MAN2B2: variants seen among roughly 807,000 people sequenced by gnomAD.
MAN2B2 encodes the protein epididymis-specific alpha-mannosidase.
In MAN2B2, 106 loss-of-function variants were observed where a neutral mutation model predicts 117.1. The ratio of observed to expected loss-of-function variants is 0.90; its 90% CI spans 0.77 to 1.06. MAN2B2 has a LOEUF of 1.06. MAN2B2 is among the 50% of genes least tolerant of loss of function. MAN2B2 has a pLI of 0.00. For missense variants in MAN2B2, 1,326 were observed against 1,381.4 expected (o/e 0.96, Z 0.64); for synonymous variants, 544 against 595.1 (o/e 0.91, Z 1.25).
intron 3 of MAN2B2, 53 bp downstream of exon 3, chr4:6,578,551 G>A (rs1726158750): frequency 1.3e-6 from 2 of 1,489,562 alleles, no homozygotes; most frequent in Admixed American, 1.8e-5. Flanking sequence ...CAGTGGGGCT[G>A]GGACATGGTA....
chr4:6,618,875 C>G (rs3733603), intron 17 of MAN2B2: 106,842 of 152,170 alleles, frequency 0.7, 42,767 homozygotes, highest in East Asian at 0.9. Flanking sequence ...ATCCTCGCCA[C>G]GGAGGATCCT....
In MAN2B2 at chr4:6,593,184, A is replaced by C. The variant is rs1272408850; in HGVS notation, c.692A>C (p.Tyr231Ser). The C allele has an allele frequency of 6.2e-7, 1 of 1,613,682 alleles. No individual in the cohort carries two copies. The highest frequency in any genetic ancestry group is 8.5e-7 in the Non-Finnish European group (1 of 1,179,798). The part of the protein sequence containing the change: ...HIPFSNRSGF[Y>S]WNGVAVFPKP... ...CTGCCCTCGCACAGGTCAGGATTTT[A>C]CTGGAATGGCGTGGCTGTCTTCCCC... Residue 231 changes from tyrosine to serine, a missense_variant, in exon 6 of 19, where the codon TAC becomes TCC. Tyr to Ser is a moderately radical substitution (Grantham distance 144). Transcript: ENST00000285599.
chr4:6,579,069 T>TCATCACCAC (rs1726205404), intron 3 of MAN2B2, among the ~76,000 whole-genome samples: 1 of 42,328 alleles, frequency 2.4e-5, no homozygotes, highest in Non-Finnish European at 4.6e-5. Context: ...ACCATCACCA[T>TCATCACCAC]CACCACCACC....
chr4:6,597,115 C>G lies in MAN2B2; in HGVS notation c.1060C>G (p.Pro354Ala), dbSNP rs369552108. 3 of 1,613,064 alleles carry G rather than the reference C, an allele frequency of 1.9e-6. No homozygotes were observed. Among genetic ancestry groups the G allele is most frequent in the Non-Finnish European group, 2.5e-6 (3 of 1,179,680 alleles). ...CACCATCTTCCCTTGTCTCCCAGAA[C>G]CATTCCAGGCCTGGACGGGCTTCTA... is the stretch of plus-strand genomic sequence containing the variant. The part of the protein sequence containing the change: ...HHDFLPYSTE[P>A]FQAWTGFYTS... The change falls in exon 8 of 19, where the codon CCA (proline) becomes GCA (alanine). Residue 354 changes from proline (P) to alanine (A), a missense_variant and splice_region_variant. By Grantham distance (27) the Pro-to-Ala change is conservative. Transcript: ENST00000285599.
chr4:6,593,083 C>G (rs918250676), intron 5 of MAN2B2, 90 bp from the exon 6 acceptor site: 2 of 1,285,952 alleles, frequency 1.6e-6, no homozygotes, highest in Admixed American at 2.2e-5. Context: ...GTGCCAAGGT[C>G]CCAAGGCTGG....
At chr4:6,575,411 G>T in intron 1 of MAN2B2, 63 bp downstream of exon 1, 2 of 1,321,762 alleles carry the variant, frequency 1.5e-6, no homozygotes, top group Non-Finnish European at 2.0e-6. Flanking sequence ...CGCGGGATCT[G>T]AGTGTGGGTT....
At chr4:6,610,801 C>A in intron 13 of MAN2B2, 79 bp from the exon 14 acceptor site, 1 of 1,222,548 alleles carries the variant, frequency 8.2e-7, no homozygotes, top group Non-Finnish European at 1.2e-6. Context: ...GGAGCACCAG[C>A]TGGGGTGGCC....
At chr4:6,579,307 CCACCACCACCAT>C (rs1726302351) in intron 3 of MAN2B2, among the ~76,000 whole-genome samples, 1 of 66,754 alleles carries the variant, frequency 1.5e-5, no homozygotes, top group African/African-American at 5.2e-5. Flanking sequence ...ACCATCACCA[CCACCACCACCAT>C]CACCACCACC....
Position 6,605,107 on chromosome 4 carries a change from C to T in MAN2B2, c.1592C>T (p.Thr531Ile). ...GCGTATGACCTGCTTATTCTGACCA[C>T]AATCCCAGGCCTCAGTTACCGGCAC... is the stretch of plus-strand genomic sequence containing the variant. ...PSAYDLLILT[T>I]IPGLSYRHYN... The change falls in exon 11 of 19, where the codon ACA (threonine) becomes ATA (isoleucine). Residue 531 changes from threonine to isoleucine, a missense_variant. By Grantham distance (89) the Thr-to-Ile change is moderately conservative (BLOSUM62 -1). Coordinates refer to ENST00000285599, the MANE Select transcript of MAN2B2 (RefSeq NM_015274.3). 1.2e-6 allele frequency: 2 copies of T among 1,614,106 alleles called. No individual in the cohort carries two copies. The highest frequency in any genetic ancestry group is 1.7e-6 in the Non-Finnish European group (2 of 1,179,940).
At position 6,605,091 on chromosome 4, in the gene MAN2B2, C is replaced by T. The variant is rs776252259; in HGVS notation, c.1576C>T (p.Leu526=). The T allele has an allele frequency of 1.2e-6, 2 of 1,614,068 alleles. No homozygotes were observed. Among genetic ancestry groups the T allele is most frequent in the Admixed American group, 1.7e-5 (1 of 60,020 alleles). ...AACAGAGACCCCATCTGCGTATGAC[C>T]TGCTTATTCTGACCACAATCCCAGG... ...NSTETPSAYD[L]LILTTIPGLS... Residue 526 remains leucine, a synonymous_variant, in exon 11 of 19, where the codon CTG becomes TTG. Coordinates refer to ENST00000285599, the MANE Select transcript of MAN2B2 (RefSeq NM_015274.3).
intron 3 of MAN2B2, among the ~76,000 whole-genome samples, chr4:6,579,159 TCAC>T (rs1246929628): frequency 0.013 from 239 of 18,060 alleles, 24 homozygotes; most frequent in African/African-American, 0.018. Context: ...ACCATCACCA[TCAC>T]CACCACCACC....
chr4:6,600,954 A>T (rs533584717), intron 10 of MAN2B2, among the ~76,000 whole-genome samples, 198 bp downstream of exon 10: 18 of 152,238 alleles, frequency 1.2e-4, no homozygotes, highest in African/African-American at 3.4e-4. Context: ...ACACCAACTG[A>T]GTGTCCTAAA....
chr4:6,618,914 G>A (rs566994754), intron 17 of MAN2B2: 2 of 152,342 alleles, frequency 1.3e-5, no homozygotes, highest in South Asian at 4.1e-4. Context: ...CTGCCTGAGA[G>A]CAGGTCTAGG....
intron 7 of MAN2B2, among the ~76,000 whole-genome samples, chr4:6,595,210 T>TA (rs1479615576): frequency 6.6e-6 from 1 of 152,238 alleles, no homozygotes; most frequent in Non-Finnish European, 1.5e-5. Context: ...GCCTGAGAGC[T>TA]AAGAGGGCTG....
At chr4:6,606,212 CA>C (rs1355239081) in intron 11 of MAN2B2, among the ~76,000 whole-genome samples, 2 of 152,198 alleles carry the variant, frequency 1.3e-5, no homozygotes, top group Admixed American at 1.3e-4. Flanking sequence ...AGGTGGGTAT[CA>C]GGGGAGCTCA....
rs1371974592 is a variant in MAN2B2 at position 6,620,192 on chromosome 4, CA to C, written c.2932+151del. The C allele has an allele frequency of 1.1e-5, 7 of 638,742 alleles. No individual in the cohort carries two copies. In the African/African-American group the frequency reaches 1.3e-4, roughly 12 times the overall value. The allele number at this position is 638,742 out of a possible 1,614,324, so 39.6% of individuals were successfully genotyped here. ...TCCTACTCTGAACCCGCAGCCCTCCCAAATCTACTACAGTCGGTTAAGAAAG... is the reference window on the plus strand; with the variant it reads ...TCCTACTCTGAACCCGCAGCCCTCCCAATCTACTACAGTCGGTTAAGAAAG... On this transcript the variant is annotated intron_variant, in intron 18 of 18. Transcript: ENST00000285599.
At chr4:6,588,701 A>T (rs926536206) in intron 4 of MAN2B2, among the ~76,000 whole-genome samples, 4 of 152,034 alleles carry the variant, frequency 2.6e-5, no homozygotes, top group African/African-American at 9.7e-5. Flanking sequence ...ACAGAGTGAG[A>T]CTCTGTAAAA....
At position 6,605,274 on chromosome 4, in the gene MAN2B2, T is replaced by C. The variant is rs1417060730; in HGVS notation, c.1759T>C (p.Cys587Arg). 3 of 1,613,986 alleles carry C rather than the reference T, an allele frequency of 1.9e-6. No homozygotes were observed. The highest frequency in any genetic ancestry group is 2.5e-6 in the Non-Finnish European group (3 of 1,179,958). Reference protein sequence around the residue: ...GRYLVPVANDCYIVLLDQDTN... With the variant: ...GRYLVPVANDRYIVLLDQDTN... ...GTACTTGGTGCCTGTGGCAAACGAC[T>C]GCTACATTGTGCTGCTCGACCAGGA... The change falls in exon 11 of 19, where the codon TGC becomes CGC. Residue 587 changes from cysteine to arginine, a missense_variant. Physicochemically the swap from Cys to Arg is radical, Grantham distance 180. Coordinates refer to ENST00000285599, the MANE Select transcript of MAN2B2 (RefSeq NM_015274.3).
At chr4:6,585,293 G>T (rs185387193) in intron 3 of MAN2B2, among the ~76,000 whole-genome samples, 6 of 152,270 alleles carry the variant, frequency 3.9e-5, no homozygotes, top group Admixed American at 3.9e-4. Context: ...CCCCAGGACT[G>T]CAAGTTCATC....
Sources: allele counts gnomAD v4.1 joint callset (sites outside exome capture counted in the v4.1 genomes callset), GRCh38; gene constraint gnomAD v4.1.1; transcripts MANE v1.5; gene names NCBI Gene and HGNC (gene_info 2026-07-23, HGNC 2026-07-21).